The following FTCDNL1 variants were observed in gnomAD, a reference collection of about 807,000 sequenced individuals.
The protein encoded by FTCDNL1 is formiminotransferase N-terminal subdomain-containing protein.
FTCDNL1 carries 11 observed loss-of-function variants against 5.9 expected under a neutral mutation model. The ratio of observed to expected loss-of-function variants is 1.87; its 90% confidence interval spans 1.18 to 3.10. The LOEUF is 3.10. FTCDNL1 is among the 30% of genes most tolerant of loss of function. The pLI, the probability that FTCDNL1 is intolerant of heterozygous loss-of-function variation, is 0.00. For synonymous variants in FTCDNL1, 58 were observed against 24.8 expected (o/e 2.34, Z -3.99); for missense variants, 115 against 65.5 (o/e 1.76, Z -2.61).
the FTCDNL1 span, among the ~76,000 whole-genome samples, chr2:199,748,089 T>G: frequency 6.6e-6 from 1 of 152,162 alleles, no homozygotes; most frequent in South Asian, 2.1e-4. Flanking sequence ...AAACAAGAAT[T>G]TTAAAGAAGA....
At chr2:199,793,948 A>C (rs1001135224) in intron 3 of FTCDNL1, among the ~76,000 whole-genome samples, 1 of 152,220 alleles carries the variant, frequency 6.6e-6, no homozygotes, top group African/African-American at 2.4e-5. Context: ...TTATAGAAAG[A>C]GGTGGCATAA....
the FTCDNL1 span, among the ~76,000 whole-genome samples, chr2:199,718,067 A>ATT: frequency 6.6e-6 from 1 of 152,056 alleles, no homozygotes; most frequent in African/African-American, 2.4e-5. Context: ...AGTTTTAAAA[A>ATT]TTTTTTTATT....
At position 199,848,831 on chromosome 2, in the gene FTCDNL1, T is replaced by C. The variant is rs1444737618; in HGVS notation, c.115+17A>G. The C allele has an allele frequency of 7.1e-6, 5 of 701,496 alleles. No homozygotes were observed. The Admixed American group carries it at 8.0e-5, about 11-fold the overall frequency. The allele number at this position is 701,496 out of a possible 1,614,324, so 43.5% of individuals were successfully genotyped here. On this transcript the variant is annotated intron_variant, in intron 2 of 4. Coordinates refer to ENST00000420128, the MANE Select transcript of FTCDNL1 (RefSeq NM_001363886.2). ...AAAACACTATAATATTCAGCTTCAATTGTCTGTTTTTCCTACCATTTTTGT... is the reference window on the plus strand; with the variant it reads ...AAAACACTATAATATTCAGCTTCAACTGTCTGTTTTTCCTACCATTTTTGT...
chr2:199,726,292 T>A, the FTCDNL1 span, among the ~76,000 whole-genome samples: 1 of 152,196 alleles, frequency 6.6e-6, no homozygotes, highest in Non-Finnish European at 1.5e-5. Flanking sequence ...TCATGTAATG[T>A]TTTATCATCA....
At chr2:199,801,319 G>A (rs568504602) in intron 3 of FTCDNL1, among the ~76,000 whole-genome samples, 1 of 152,232 alleles carries the variant, frequency 6.6e-6, no homozygotes, top group South Asian at 2.1e-4. Flanking sequence ...CCCAGAACCA[G>A]CCATATAACT....
rs140820950 is a variant in FTCDNL1 at position 199,796,966 on chromosome 2, T to C, written c.212-36131A>G. Among the ~76,000 whole-genome samples, 31 of 152,236 alleles carry C rather than the reference T, an allele frequency of 2.0e-4. No homozygotes were observed. In the East Asian group the frequency reaches 5.8e-3, roughly 28 times the overall value. On this transcript the variant is annotated intron_variant, in intron 3 of 3. Coordinates refer to the FTCDNL1 transcript ENST00000416668. ...AATGTTGGCAGTCAAAAATCTCTCCTTTGCAGCTTCTCAAGGAACTGACCA... is the reference window on the plus strand; with the variant it reads ...AATGTTGGCAGTCAAAAATCTCTCCCTTGCAGCTTCTCAAGGAACTGACCA...
At chr2:199,734,012 A>G in the FTCDNL1 span, among the ~76,000 whole-genome samples, 1 of 152,154 alleles carries the variant, frequency 6.6e-6, no homozygotes. Flanking sequence ...TGCTTCAAAC[A>G]TAAAGATTAT....
chr2:199,830,204 T>C (rs1702279755), intron 3 of FTCDNL1, among the ~76,000 whole-genome samples: 1 of 152,174 alleles, frequency 6.6e-6, no homozygotes, highest in African/African-American at 2.4e-5. Flanking sequence ...TAAAATTCTC[T>C]ACCGGAAGTA....
intron 3 of FTCDNL1, among the ~76,000 whole-genome samples, chr2:199,775,310 T>G (rs929877703): frequency 2.0e-5 from 3 of 152,198 alleles, no homozygotes; most frequent in Non-Finnish European, 4.4e-5. Flanking sequence ...AAAACAATGT[T>G]GTTGTAGCAG....
rs1455113220 is a variant in FTCDNL1 at position 199,811,766 on chromosome 2, T to C, written c.*939A>G. Among the ~76,000 whole-genome samples, 1 of 152,198 alleles carries C rather than the reference T, an allele frequency of 6.6e-6. No individual in the cohort carries two copies. Among genetic ancestry groups the C allele is most frequent in the Admixed American group, 6.5e-5 (1 of 15,288 alleles). ...TTGCATGTCTAATAACTTCCCCCTG[T>C]TAGTAGAATTTCCAAAGTTGATCAT... On this transcript the variant is annotated 3_prime_UTR_variant, in exon 5 of 5. Coordinates refer to ENST00000420128, the MANE Select transcript of FTCDNL1 (RefSeq NM_001363886.2).
In FTCDNL1 at chr2:199,813,780, G is replaced by T. The variant is rs544484325; in HGVS notation, c.398-1056C>A. Among the ~76,000 whole-genome samples the T allele has an allele frequency of 2.0e-5, 3 of 151,836 alleles. No individual in the cohort carries two copies. The East Asian group carries it at 5.8e-4, about 30-fold the overall frequency. On this transcript the variant is annotated intron_variant, in intron 4 of 4. Coordinates refer to ENST00000420128, the MANE Select transcript of FTCDNL1 (RefSeq NM_001363886.2). The stretch of plus-strand genomic sequence containing the variant: ...ACAAAAATTAGTTGGGCATGGTGGC[G>T]CGTGCCTGTAGTCCCAGCTACTCAG...
intron 3 of FTCDNL1, among the ~76,000 whole-genome samples, chr2:199,770,904 G>A (rs983126932): frequency 2.6e-5 from 4 of 152,186 alleles, no homozygotes; most frequent in Non-Finnish European, 2.9e-5. Context: ...CACAGAGAGA[G>A]CTGCACAGAG....
At chr2:199,742,048 A>ACAGCAGACC in the FTCDNL1 span, among the ~76,000 whole-genome samples, 2 of 152,006 alleles carry the variant, frequency 1.3e-5, no homozygotes, top group Non-Finnish European at 2.9e-5. Flanking sequence ...CATATGCCCC[A>ACAGCAGACC]CAGCAGACCC....
At chr2:199,838,261 G>A (rs1259710307) in intron 3 of FTCDNL1, among the ~76,000 whole-genome samples, 1 of 152,180 alleles carries the variant, frequency 6.6e-6, no homozygotes, top group Non-Finnish European at 1.5e-5. Context: ...GTAGAAGTCA[G>A]ACAAAAGAAG....
downstream of FTCDNL1, among the ~76,000 whole-genome samples, chr2:199,807,823 T>C (rs1700810134): frequency 1.3e-5 from 2 of 152,186 alleles, no homozygotes; most frequent in Admixed American, 1.3e-4. Context: ...TATCTATTAG[T>C]AGATAACAGA....
At chr2:199,844,948 G>T (rs1439244762) in intron 3 of FTCDNL1, among the ~76,000 whole-genome samples, 1 of 151,352 alleles carries the variant, frequency 6.6e-6, no homozygotes, top group Non-Finnish European at 1.5e-5. Flanking sequence ...ACTGAGTCTT[G>T]CTATGTTGCC....
At chr2:199,769,222 T>A (rs988716598) in intron 3 of FTCDNL1, among the ~76,000 whole-genome samples, 2 of 152,074 alleles carry the variant, frequency 1.3e-5, no homozygotes, top group African/African-American at 4.8e-5. Context: ...CAGAAAAAAA[T>A]TGAAGGAGTG....
chr2:199,788,078 T>C (rs1310301840), intron 3 of FTCDNL1, among the ~76,000 whole-genome samples: 1 of 152,026 alleles, frequency 6.6e-6, no homozygotes, highest in Non-Finnish European at 1.5e-5. Flanking sequence ...CTTATAAGAG[T>C]AGAATTAAGG....
At chr2:199,823,236 ACAT>A (rs1486993549) in intron 3 of FTCDNL1, among the ~76,000 whole-genome samples, 2 of 152,084 alleles carry the variant, frequency 1.3e-5, no homozygotes, top group African/African-American at 4.8e-5. Flanking sequence ...TATTTTCACC[ACAT>A]CTGCAGTGAC....
Sources: gnomAD v4.1 joint callset for allele counts (sites outside exome capture counted in the v4.1 genomes callset) on GRCh38, gnomAD v4.1.1 for gene constraint, MANE v1.5 for transcripts, NCBI Gene and HGNC (gene_info 2026-07-23, HGNC 2026-07-21) for gene names.